Variants in KCNN2 observed in about 807,000 individuals in gnomAD.
KCNN2 encodes potassium calcium-activated channel subfamily N member 2, also known as small conductance calcium-activated potassium channel protein 2.
Under a neutral mutation model 55.5 loss-of-function variants are expected in KCNN2, and 24 were observed. The observed-to-expected ratio is 0.43, with a 90% CI of 0.31 to 0.61. The LOEUF (loss-of-function observed/expected upper bound fraction) is 0.61, where lower values mean the gene tolerates loss of function less well. Ranked by LOEUF, KCNN2 falls within the 20% of genes least tolerant of loss-of-function variation. The pLI is 0.08. For missense variants in KCNN2, 754 were observed against 853.6 expected, an observed-to-expected ratio of 0.88 and a Z score of 1.45; for synonymous variants, 431 against 336.1, an observed-to-expected ratio of 1.28 and a Z score of -3.09.
chr5:114,102,053 T>C (rs914416639), intron 1 of KCNN2, among the ~76,000 whole-genome samples: 50 of 152,302 alleles, frequency 3.3e-4, no homozygotes, highest in African/African-American at 1.2e-3. Context: ...CCACCAACAG[T>C]GAAAAAGCAT....
intron 1 of KCNN2, among the ~76,000 whole-genome samples, chr5:114,148,681 C>T (rs1199403587): frequency 6.6e-6 from 1 of 152,080 alleles, no homozygotes; most frequent in Non-Finnish European, 1.5e-5. Flanking sequence ...GCCACATGTC[C>T]TCCTCTGGCA....
intron 3 of KCNN2, among the ~76,000 whole-genome samples, chr5:114,409,785 T>TG (rs1211929805): frequency 6.6e-6 from 1 of 152,178 alleles, no homozygotes; most frequent in Non-Finnish European, 1.5e-5. Context: ...GAGCATCCTA[T>TG]GGGAGGCATT....
intron 3 of KCNN2, among the ~76,000 whole-genome samples, chr5:114,437,308 A>C (rs1304712464): frequency 2.0e-5 from 3 of 152,198 alleles, no homozygotes; most frequent in Non-Finnish European, 4.4e-5. Flanking sequence ...GGAGAAAAAC[A>C]GGAAGAGAAA....
intron 2 of KCNN2, among the ~76,000 whole-genome samples, chr5:114,327,383 A>G (rs1756733198): frequency 6.6e-6 from 1 of 152,224 alleles, no homozygotes; most frequent in Non-Finnish European, 1.5e-5. Context: ...AATGTCCTTC[A>G]CTAGACAATG....
chr5:114,176,482 T>C (rs2112548407), intron 1 of KCNN2, among the ~76,000 whole-genome samples: 1 of 152,200 alleles, frequency 6.6e-6, no homozygotes, highest in South Asian at 2.1e-4. Context: ...ATTTTATTCA[T>C]GGGCTAGAGT....
intron 2 of KCNN2, among the ~76,000 whole-genome samples, chr5:114,256,789 G>A (rs1754991628): frequency 1.3e-5 from 2 of 151,910 alleles, no homozygotes; most frequent in African/African-American, 2.4e-5. Flanking sequence ...TTTGTCAGAT[G>A]CATATTTTCA....
intron 2 of KCNN2, among the ~76,000 whole-genome samples, chr5:114,223,860 C>G (rs1157239988): frequency 6.6e-6 from 1 of 152,118 alleles, no homozygotes; most frequent in African/African-American, 2.4e-5. Context: ...AGGACCCAAA[C>G]CTTTGAAGAA....
chr5:114,169,416 G>A (rs1022759402), intron 1 of KCNN2, among the ~76,000 whole-genome samples: 4 of 151,980 alleles, frequency 2.6e-5, no homozygotes, highest in African/African-American at 9.7e-5. Flanking sequence ...GGAGAGAGTG[G>A]TACAGGACAT....
chr5:114,345,193 T>G (rs1226530498), intron 2 of KCNN2, among the ~76,000 whole-genome samples: 1 of 152,110 alleles, frequency 6.6e-6, no homozygotes, highest in Non-Finnish European at 1.5e-5. Flanking sequence ...CCAAAATATC[T>G]TGTTAAGTGA....
intron 2 of KCNN2, among the ~76,000 whole-genome samples, chr5:114,344,888 C>G (rs1465455565): frequency 3.9e-5 from 6 of 152,218 alleles, no homozygotes; most frequent in Non-Finnish European, 7.3e-5. Context: ...ATCTATTAGA[C>G]TAGGTGCTGC....
chr5:114,356,578 G>A (rs1311531635), intron 2 of KCNN2, among the ~76,000 whole-genome samples: 1 of 152,076 alleles, frequency 6.6e-6, no homozygotes. Context: ...CTGAGAAACG[G>A]TAGGAGACAA....
chr5:114,362,867 C>T lies in KCNN2; in HGVS notation c.728C>T (p.Ala243Val), dbSNP rs1473028223. The change falls in exon 1 of 8, where the codon GCG (alanine) becomes GTG (valine). Residue 243 changes from alanine (A) to valine (V), a missense_variant. Transcript: ENST00000673685. The part of the protein sequence containing the change: ...RRNLHEMDSE[A>V]QPLQPPASVG... ...AACCTGCACGAGATGGACTCAGAGG[C>T]GCAGCCCCTGCAGCCCCCCGCGTCT... The T allele has an allele frequency of 1.3e-6, 2 of 1,599,598 alleles. No homozygotes were observed. Among genetic ancestry groups the T allele is most frequent in the East Asian group, 4.5e-5 (2 of 44,748 alleles).
rs6149185 is a variant in KCNN2 at position 114,323,649 on chromosome 5, A to ATTTTTTTTTTTTTTTTTTTTTTT, written c.-184-37278_-184-37277insTTTTTTTTTTTTTTTTTTTTTTT. On this transcript the variant is annotated intron_variant, in intron 2 of 10. Coordinates refer to the KCNN2 transcript ENST00000512097. ...TAAGTATCATGATATAAACATATCA[A>ATTTTTTTTTTTTTTTTTTTTTTT]TTTTTTTTTTTTTTTTTTGCTGGTC... 7.8e-3 allele frequency among the ~76,000 whole-genome samples: 666 copies of ATTTTTTTTTTTTTTTTTTTTTTT among 85,236 alleles called. 139 individuals are homozygous for ATTTTTTTTTTTTTTTTTTTTTTT. Among genetic ancestry groups the ATTTTTTTTTTTTTTTTTTTTTTT allele is most frequent in the Non-Finnish European group, 0.01 (448 of 44,002 alleles). 55.9% of individuals were successfully genotyped at this position (85,236 alleles called of 152,430 possible).
intron 2 of KCNN2, among the ~76,000 whole-genome samples, chr5:114,310,798 G>A (rs981637292): frequency 2.0e-5 from 3 of 152,136 alleles, no homozygotes; most frequent in Admixed American, 6.6e-5. Context: ...TGGGCCATAT[G>A]AAATGGGAGT....
At chr5:114,129,175 G>A (rs1303888085) in intron 1 of KCNN2, among the ~76,000 whole-genome samples, 5 of 152,156 alleles carry the variant, frequency 3.3e-5, no homozygotes, top group Non-Finnish European at 7.4e-5. Flanking sequence ...GAATGAGGAA[G>A]ATAGGTTCCC....
At chr5:114,448,112 T>C (rs1387477371) in intron 3 of KCNN2, among the ~76,000 whole-genome samples, 11 of 152,212 alleles carry the variant, frequency 7.2e-5, no homozygotes, top group Non-Finnish European at 2.9e-5. Context: ...CCAACCATTA[T>C]ATGTTTACAA....
At chr5:114,093,217 C>T (rs1414604292) in intron 1 of KCNN2, among the ~76,000 whole-genome samples, 1 of 152,208 alleles carries the variant, frequency 6.6e-6, no homozygotes, top group African/African-American at 2.4e-5. Context: ...TGCCACCAGT[C>T]TCTTTACTAA....
At chr5:114,452,658 C>T (rs978330828) in intron 3 of KCNN2, among the ~76,000 whole-genome samples, 2 of 152,178 alleles carry the variant, frequency 1.3e-5, no homozygotes, top group African/African-American at 2.4e-5. Flanking sequence ...GCTTCACCCC[C>T]GGAGACCTCA....
intron 1 of KCNN2, among the ~76,000 whole-genome samples, chr5:114,158,600 G>A (rs1752692797): frequency 6.6e-6 from 1 of 151,788 alleles, no homozygotes; most frequent in Non-Finnish European, 1.5e-5. Flanking sequence ...GGGCAGTATG[G>A]CCATTTTCAT....
Sources: gnomAD v4.1 joint callset for allele counts (sites outside exome capture counted in the v4.1 genomes callset) on GRCh38, gnomAD v4.1.1 for gene constraint, MANE v1.5 for transcripts, NCBI Gene and HGNC (gene_info 2026-07-23, HGNC 2026-07-21) for gene names.